The following SIRT3 variants were observed in gnomAD, a reference collection of about 807,000 sequenced individuals.
SIRT3 encodes the protein NAD-dependent protein deacetylase sirtuin-3, mitochondrial.
Under a neutral mutation model 33.5 loss-of-function variants are expected in SIRT3, and 26 were observed. The ratio of observed to expected loss-of-function variants is 0.78; its 90% CI spans 0.57 to 1.08. The LOEUF (loss-of-function observed/expected upper bound fraction) is 1.08. Ranked by LOEUF, SIRT3 falls within the 50% of genes least tolerant of loss-of-function variation. The pLI, the probability that SIRT3 is intolerant of heterozygous loss-of-function variation, is 0.00. For missense variants in SIRT3, 585 were observed against 530.1 expected (o/e 1.10, Z -1.02); for synonymous variants, 237 against 222.1 (o/e 1.07, Z -0.60).
chr11:215,337 A>T lies in SIRT3; in HGVS notation c.*1361T>A, dbSNP rs200450736. The T allele has an allele frequency of 3.9e-5, 6 of 152,338 alleles. No homozygotes were observed. Among genetic ancestry groups the T allele is most frequent in the Non-Finnish European group, 8.8e-5 (6 of 68,052 alleles). The allele number at this position is 152,338 out of a possible 1,614,324, so 9.4% of individuals were successfully genotyped here. ...CCCAGGAGAATCGCTTAAACCCGGGAGGCGGAAGTTGCAGTGAGCTGAGAT... is the reference window on the plus strand; with the variant it reads ...CCCAGGAGAATCGCTTAAACCCGGGTGGCGGAAGTTGCAGTGAGCTGAGAT... On this transcript the variant is annotated 3_prime_UTR_variant, in exon 7 of 7. Transcript: ENST00000382743.
intron 5 of SIRT3, 77 bp from the exon 6 acceptor site, chr11:219,118 G>A (rs190926004): frequency 5.3e-5 from 79 of 1,483,784 alleles, no homozygotes; most frequent in East Asian, 3.5e-4. Context: ...CACAGCCACC[G>A]AGGCCTTGGA....
intron 3 of SIRT3, chr11:230,772 G>A (rs983147367): frequency 2.7e-5 from 10 of 373,260 alleles, no homozygotes; most frequent in East Asian, 3.9e-5. Flanking sequence ...GCCAAATCAC[G>A]GTTAAAACAA....
rs748674588 is a variant in SIRT3 at position 232,955 on chromosome 11, G to GA, written c.706+27dup. On this transcript the variant is annotated intron_variant, in intron 3 of 6. Coordinates refer to ENST00000382743, the MANE Select transcript of SIRT3 (RefSeq NM_012239.6). ...CACCCGAGCCTCCGTGGGAGAAAAAGAATGTGTGCGACTCACAGAGGGCTC... is the reference window on the plus strand; with the variant it reads ...CACCCGAGCCTCCGTGGGAGAAAAAGAAATGTGTGCGACTCACAGAGGGCTC... 2.5e-6 allele frequency: 4 copies of GA among 1,604,126 alleles called. No homozygotes were observed. In the African/African-American group the frequency reaches 5.4e-5, roughly 21 times the overall value.
intron 6 of SIRT3, 66 bp from the exon 7 acceptor site, chr11:216,784 T>G (rs1422596252): frequency 8.5e-6 from 13 of 1,532,736 alleles, no homozygotes; most frequent in Non-Finnish European, 1.2e-5. Context: ...AGCAGATCTC[T>G]GTTCAAACAG....
At chr11:236,758 G>A (rs1859219235), upstream of SIRT3, 3 of 494,532 alleles carry the variant, frequency 6.1e-6, no homozygotes, top group Admixed American at 3.5e-5. Context: ...CACAAAGGCT[G>A]ACACCACAAA....
intron 5 of SIRT3, among the ~76,000 whole-genome samples, chr11:220,330 CA>C (rs55855156): frequency 0.37 from 31,928 of 86,970 alleles, 2,522 homozygotes; most frequent in South Asian, 0.4. Context: ...GACTCTGTCT[CA>C]AAAAAAAAAA....
intron 6 of SIRT3, among the ~76,000 whole-genome samples, chr11:217,133 G>C (rs1373335836): frequency 1.3e-5 from 2 of 152,192 alleles, no homozygotes; most frequent in Non-Finnish European, 2.9e-5. Context: ...AGCTACCAGA[G>C]TTACAATCTG....
At chr11:219,844 CTA>C (rs1488317013) in intron 5 of SIRT3, among the ~76,000 whole-genome samples, 1 of 151,866 alleles carries the variant, frequency 6.6e-6, no homozygotes, top group East Asian at 1.9e-4. Flanking sequence ...ACAGATCTGA[CTA>C]TGTAAATACT....
chr11:216,387 A>T lies in SIRT3; in HGVS notation c.*311T>A. On this transcript the variant is annotated 3_prime_UTR_variant, in exon 7 of 7. Transcript: ENST00000382743. ...TCTGGGATTCCAGTTGGTCTGATTCAGTTCAAGAGGGTCACAGTCAGAAGA... is the reference window on the plus strand; with the variant it reads ...TCTGGGATTCCAGTTGGTCTGATTCTGTTCAAGAGGGTCACAGTCAGAAGA... 2.9e-6 allele frequency: 1 copy of T among 343,588 alleles called. No individual in the cohort carries two copies. Among genetic ancestry groups the T allele is most frequent in the East Asian group, 5.2e-5 (1 of 19,118 alleles). 21.3% of individuals were successfully genotyped at this position (343,588 alleles called of 1,614,324 possible).
chr11:232,470 T>C (rs995945748), intron 3 of SIRT3, among the ~76,000 whole-genome samples: 3 of 152,206 alleles, frequency 2.0e-5, no homozygotes, highest in Admixed American at 1.3e-4. Flanking sequence ...TATCCATTCA[T>C]GTGTTTATAG....
chr11:218,034 G>GC (rs1276157566), intron 6 of SIRT3, among the ~76,000 whole-genome samples: 3 of 149,926 alleles, frequency 2.0e-5, no homozygotes, highest in Admixed American at 6.7e-5. Context: ...CTCCTGCTTT[G>GC]CCTTCCACTA....
chr11:219,106 G>A, intron 5 of SIRT3, 65 bp from the exon 6 acceptor site: 1 of 1,517,940 alleles, frequency 6.6e-7, no homozygotes, highest in South Asian at 1.2e-5. Flanking sequence ...GATGTTTCAT[G>A]CCACAGCCAC....
intron 5 of SIRT3, among the ~76,000 whole-genome samples, chr11:220,278 C>T (rs1856252662): frequency 7.1e-6 from 1 of 141,626 alleles, no homozygotes. Flanking sequence ...TGCAGTGAGC[C>T]GAGATCGCGC....
chr11:221,406 T>C (rs1279896540), intron 5 of SIRT3, among the ~76,000 whole-genome samples: 1 of 152,218 alleles, frequency 6.6e-6, no homozygotes, highest in Non-Finnish European at 1.5e-5. Flanking sequence ...CCACGGTGCC[T>C]GGCCCAGCAT....
chr11:233,120 T>C lies in SIRT3; in HGVS notation c.569A>G (p.Lys190Arg), dbSNP rs199531458. Residue 190 changes from lysine to arginine, a missense_variant, in exon 3 of 7, where the codon AAG becomes AGG. Lys to Arg is a conservative substitution (Grantham distance 26, BLOSUM62 2). Transcript: ENST00000382743. ...FELPFFFHNP[K>R]PFFTLAKELY... ...CTCCTTGGCCAAAGTGAAAAAGGGC[T>C]TGGGGTTGTGAAAGAAGAATGGGAG... The C allele has an allele frequency of 1.6e-5, 26 of 1,613,908 alleles. No individual in the cohort carries two copies. In the Admixed American group the frequency reaches 3.2e-4, roughly 20 times the overall value.
intron 4 of SIRT3, among the ~76,000 whole-genome samples, chr11:224,977 G>C (rs1403713297): frequency 6.6e-6 from 1 of 151,634 alleles, no homozygotes; most frequent in Admixed American, 6.6e-5. Context: ...AAAAGAAAGA[G>C]ACCCACGAAA....
rs1338713860 is a variant in SIRT3, at chr11:233,561, G to GCTCT, written c.282-28_282-27insAGAG. On this transcript the variant is annotated intron_variant, in intron 1 of 6. Coordinates refer to ENST00000382743, the MANE Select transcript of SIRT3 (RefSeq NM_012239.6). The stretch of plus-strand genomic sequence containing the variant: ...TGACAGAAAAAAACACAGCAGCAAA[G>GCTCT]GAAACAGATAGCAACCAATCTCAGG... The GCTCT allele has an allele frequency of 5.6e-6, 9 of 1,610,612 alleles. No homozygotes were observed. The African/African-American group carries it at 1.1e-4, about 19-fold the overall frequency.
In SIRT3 at chr11:218,029, G is replaced by A. The variant is rs757915803; in HGVS notation, c.1179+803C>T. 2.3e-4 allele frequency among the ~76,000 whole-genome samples: 34 copies of A among 150,994 alleles called. 1 individual carries two copies. The highest frequency in any genetic ancestry group is 4.6e-4 in the Non-Finnish European group (31 of 67,662). On this transcript the variant is annotated intron_variant, in intron 6 of 6. Transcript: ENST00000382743. ...CCTTGTAAGACAGTACTTTGCTCCTGCTTTGCCTTCCACTATGATTGTGAG... is the reference window on the plus strand; with the variant it reads ...CCTTGTAAGACAGTACTTTGCTCCTACTTTGCCTTCCACTATGATTGTGAG...
At position 230,597 on chromosome 11, in the gene SIRT3, G is replaced by C. The variant is rs556497535; in HGVS notation, c.707-45C>G. 1.2e-5 allele frequency: 16 copies of C among 1,359,016 alleles called. No individual in the cohort carries two copies. In the Admixed American group the frequency reaches 3.6e-4, roughly 31 times the overall value. 84.2% of individuals were successfully genotyped at this position (1,359,016 alleles called of 1,614,324 possible). On this transcript the variant is annotated intron_variant, in intron 3 of 6. Coordinates refer to ENST00000382743, the MANE Select transcript of SIRT3 (RefSeq NM_012239.6). ...GAAGTGTTGCTGCCGCCTCCGAGAT[G>C]AGCACGCAAGGCCAAGAGCACAACT...
Sources: allele counts gnomAD v4.1 joint callset (sites outside exome capture counted in the v4.1 genomes callset), GRCh38; gene constraint gnomAD v4.1.1; transcripts MANE v1.5; gene names NCBI Gene and HGNC (gene_info 2026-07-23, HGNC 2026-07-21).